SAP130: variants seen among roughly 807,000 people sequenced by gnomAD.
SAP130 encodes the protein Sin3A associated protein 130.
SAP130 carries 16 observed loss-of-function variants against 103.2 expected under a neutral mutation model. The ratio of observed to expected loss-of-function variants is 0.16; its 90% CI spans 0.10 to 0.24. The LOEUF is 0.24. Among genes scored for constraint, SAP130 ranks in the 10% least tolerant of loss-of-function variants. The pLI, the probability that SAP130 is intolerant of heterozygous loss-of-function variation, is 1.00. For synonymous variants in SAP130, 477 were observed against 497.0 expected, an observed-to-expected ratio of 0.96 and a Z score of 0.53; for missense variants, 990 against 1,359.7, an observed-to-expected ratio of 0.73 and a Z score of 4.28.
chr2:127,958,796 C>T (rs1418433823), intron 15 of SAP130, among the ~76,000 whole-genome samples: 2 of 152,126 alleles, frequency 1.3e-5, no homozygotes, highest in East Asian at 3.9e-4. Context: ...GTAGCTGGGA[C>T]TAAAGGTATG....
At position 127,942,292 on chromosome 2, in the gene SAP130, C is replaced by T; in HGVS notation, c.3016-128G>A. The stretch of plus-strand genomic sequence containing the variant: ...ACAGAGAAAATGTCTTTTTGTTTCT[C>T]AGGAGTGCAGGCTGAAGCACGTATG... On this transcript the variant is annotated intron_variant, in intron 20 of 20. Coordinates refer to ENST00000643581, the MANE Select transcript of SAP130 (RefSeq NM_001330301.2). This position sits in a 1 kb window ranked among gnomAD's most constrained non-coding sequence, Gnocchi z 4.8. The T allele has an allele frequency of 9.0e-7, 1 of 1,110,298 alleles. No individual in the cohort carries two copies. The highest frequency in any genetic ancestry group is 1.3e-6 in the Non-Finnish European group (1 of 759,440). The allele number at this position is 1,110,298 out of a possible 1,614,324, so 68.8% of individuals were successfully genotyped here.
Position 127,950,420 on chromosome 2 carries a change from A to G in SAP130, c.2423-12T>C. On this transcript the variant is annotated splice_polypyrimidine_tract_variant and intron_variant, in intron 16 of 20. Transcript: ENST00000643581. ...CAGTGGAGGAACTGCTGTCATAGGA[A>G]AAGGAGCACACATATCTGTAAGAAC... is the stretch of plus-strand genomic sequence containing the variant. 6.2e-7 allele frequency: 1 copy of G among 1,613,948 alleles called. No homozygotes were observed. Among genetic ancestry groups the G allele is most frequent in the Non-Finnish European group, 8.5e-7 (1 of 1,179,844 alleles).
At chr2:127,998,380 C>T (rs1683318025) in intron 10 of SAP130, among the ~76,000 whole-genome samples, 1 of 152,114 alleles carries the variant, frequency 6.6e-6, no homozygotes, top group South Asian at 2.1e-4. Context: ...TCTGAGCCAA[C>T]ATATTCCTAA....
chr2:128,007,443 G>A (rs1228973893), intron 7 of SAP130, among the ~76,000 whole-genome samples: 1 of 152,158 alleles, frequency 6.6e-6, no homozygotes, highest in African/African-American at 2.4e-5. Flanking sequence ...GGGGCTCCTG[G>A]AGCCAAGACC....
Position 127,986,806 on chromosome 2 carries a change from C to T in SAP130, c.1937G>A (p.Arg646Gln), listed in dbSNP as rs1214345146. The change falls in exon 14 of 21, where the codon CGG becomes CAG. Residue 646 changes from arginine (R) to glutamine (Q), a missense_variant. Physicochemically the swap from Arg to Gln is conservative, Grantham distance 43 (BLOSUM62 1). Around this residue, in one of 6 missense-constraint regions of SAP130, gnomAD observed 349 missense variants for 384.1 expected, o/e 0.91. Coordinates refer to ENST00000643581, the MANE Select transcript of SAP130 (RefSeq NM_001330301.2). This position sits in a 1 kb window ranked among gnomAD's most constrained non-coding sequence, Gnocchi z 4.7. ...QGSSPRPSIL[R>Q]KKPATDGMAV... ...TCACCCATCTGTGGCAGGTTTCTTC[C>T]GGAGTATGCTTGGCCGTGGCGATGA... The T allele has an allele frequency of 1.2e-6, 2 of 1,613,936 alleles. No individual in the cohort carries two copies. Among genetic ancestry groups the T allele is most frequent in the Admixed American group, 1.7e-5 (1 of 59,994 alleles).
Position 128,016,059 on chromosome 2 carries a change from A to G in SAP130, c.507+330T>C, listed in dbSNP as rs570580356. On this transcript the variant is annotated intron_variant, in intron 4 of 20. Coordinates refer to ENST00000643581, the MANE Select transcript of SAP130 (RefSeq NM_001330301.2). ...GCAGCACTGCCTACCCCCGGAAGGC[A>G]GTTCTTGACGCTAAAACCAAACACG... is the stretch of plus-strand genomic sequence containing the variant. Among the ~76,000 whole-genome samples the G allele has an allele frequency of 3.9e-5, 6 of 152,176 alleles. No homozygotes were observed. The South Asian group carries it at 1.2e-3, about 32-fold the overall frequency.
chr2:128,022,863 T>C (rs1017166477), intron 2 of SAP130, among the ~76,000 whole-genome samples: 5 of 152,052 alleles, frequency 3.3e-5, no homozygotes, highest in African/African-American at 1.2e-4. Flanking sequence ...AAGATCTCAC[T>C]CCGTCACCCA....
chr2:127,995,915 A>G (rs1008836802), intron 11 of SAP130, among the ~76,000 whole-genome samples: 6 of 152,118 alleles, frequency 3.9e-5, no homozygotes, highest in Admixed American at 2.0e-4. Flanking sequence ...GACAGTACCA[A>G]ATTCCCTAAA....
chr2:127,989,481 C>G lies in SAP130; in HGVS notation c.1780+83G>C. 1 of 1,263,940 alleles carries G rather than the reference C, an allele frequency of 7.9e-7. No homozygotes were observed. The highest frequency in any genetic ancestry group is 1.1e-6 in the Non-Finnish European group (1 of 910,634). The allele number at this position is 1,263,940 out of a possible 1,614,324, so 78.3% of individuals were successfully genotyped here. A position where few individuals can be genotyped will look rare whatever the true frequency, so the allele number is the denominator to read the frequency against. ...AAGGCCTAGAGAAATTATAAGACGA[C>G]AAAGCCAGTGGCAGAGAAAGGATTT... On this transcript the variant is annotated intron_variant, in intron 13 of 20. Transcript: ENST00000643581. This position sits in a 1 kb window ranked among gnomAD's most constrained non-coding sequence, Gnocchi z 4.6.
chr2:128,015,940 C>CAAA (rs58340147), intron 4 of SAP130, among the ~76,000 whole-genome samples: 1,681 of 97,420 alleles, frequency 0.017, 34 homozygotes, highest in Middle Eastern at 0.04. Context: ...GATTCTGTCT[C>CAAA]AAAAAAAAAA....
At chr2:127,969,220 GGAA>G (rs773034475) in intron 15 of SAP130, among the ~76,000 whole-genome samples, 33 of 152,138 alleles carry the variant, frequency 2.2e-4, no homozygotes, top group Admixed American at 7.2e-4. Flanking sequence ...TTATTCCATG[GGAA>G]GAAGGATAAA....
intron 12 of SAP130, among the ~76,000 whole-genome samples, chr2:127,991,982 GTTTT>G (rs922671750): frequency 6.6e-6 from 1 of 151,924 alleles, no homozygotes; most frequent in African/African-American, 2.4e-5. Context: ...TGTCTTTTTT[GTTTT>G]TTTGAGACAG....
intron 1 of SAP130, among the ~76,000 whole-genome samples, 188 bp from the exon 2 acceptor site, chr2:128,026,486 A>C (rs192208583): frequency 1.1e-4 from 16 of 152,242 alleles, no homozygotes; most frequent in African/African-American, 3.6e-4. Context: ...AGTTTTCTAC[A>C]AATATTGTTT....
rs1679767064 is a variant in SAP130 at position 127,955,355 on chromosome 2, A to G, written c.2064-11T>C. The G allele has an allele frequency of 6.5e-6, 10 of 1,529,990 alleles. No individual in the cohort carries two copies. Among genetic ancestry groups the G allele is most frequent in the Non-Finnish European group, 8.8e-6 (10 of 1,134,516 alleles). The allele number at this position is 1,529,990 out of a possible 1,614,324, so 94.8% of individuals were successfully genotyped here. Reference sequence around the variant, plus strand: ...GACTTGGGTTTGGCACTAAAACACAAAAGAAAAGCACATGTAGCAAATAAG... The same window carrying G: ...GACTTGGGTTTGGCACTAAAACACAGAAGAAAAGCACATGTAGCAAATAAG... On this transcript the variant is annotated splice_polypyrimidine_tract_variant and intron_variant, in intron 15 of 20. Transcript: ENST00000643581. The surrounding 1 kb of genome is among the most constrained non-coding windows in gnomAD (Gnocchi z 4.9).
intron 14 of SAP130, among the ~76,000 whole-genome samples, chr2:127,980,991 A>AT (rs1681827740): frequency 2.0e-5 from 3 of 152,136 alleles, no homozygotes; most frequent in Admixed American, 2.0e-4. Context: ...AATGCACATC[A>AT]TATGATTCTA....
At chr2:127,954,355 C>T (rs1407019274) in intron 16 of SAP130, among the ~76,000 whole-genome samples, 1 of 151,946 alleles carries the variant, frequency 6.6e-6, no homozygotes, top group Non-Finnish European at 1.5e-5. Context: ...AAATAACTTG[C>T]TTTCTTCTTT....
intron 15 of SAP130, among the ~76,000 whole-genome samples, chr2:127,958,202 C>T (rs750299440): frequency 2.6e-5 from 4 of 152,242 alleles, no homozygotes; most frequent in Non-Finnish European, 5.9e-5. Context: ...ATCACGAGGT[C>T]AGGAGTTCGA....
chr2:128,015,367 A>T (rs1248145582), intron 4 of SAP130, among the ~76,000 whole-genome samples: 1 of 152,108 alleles, frequency 6.6e-6, no homozygotes, highest in Non-Finnish European at 1.5e-5. Context: ...CTTCAGCTCA[A>T]CCCTGAAATG....
chr2:128,015,824 C>G (rs527328005), intron 4 of SAP130, among the ~76,000 whole-genome samples: 1 of 151,762 alleles, frequency 6.6e-6, no homozygotes, highest in South Asian at 2.1e-4. Context: ...GCTTGTAATC[C>G]TAGCTACTCG....
Sources: allele counts gnomAD v4.1 joint callset (sites outside exome capture counted in the v4.1 genomes callset), GRCh38; gene constraint gnomAD v4.1.1; regional missense constraint gnomAD v4.1.1; non-coding constraint Gnocchi (gnomAD v3.1); transcripts MANE v1.5; gene names NCBI Gene and HGNC (gene_info 2026-07-23, HGNC 2026-07-21).